Variants in ATG13 observed in about 807,000 individuals in gnomAD.
The protein encoded by ATG13 is autophagy related 13.
A neutral mutation model predicts 65.5 loss-of-function variants in ATG13; 23 were observed. That is an observed-to-expected ratio of 0.35 (90% CI 0.25 to 0.50). The LOEUF (loss-of-function observed/expected upper bound fraction) is 0.50. Ranked by LOEUF, ATG13 falls within the 20% of genes least tolerant of loss-of-function variation. ATG13 has a pLI of 0.98. For synonymous variants in ATG13, 252 were observed against 245.2 expected (o/e 1.03, Z -0.26); for missense variants, 566 against 677.0 (o/e 0.84, Z 1.82).
chr11:46,666,653 A>T (rs1401254792), intron 14 of ATG13, among the ~76,000 whole-genome samples: 1 of 152,178 alleles, frequency 6.6e-6, no homozygotes, highest in East Asian at 1.9e-4. Context: ...GATTGGCCTG[A>T]GCTCAGTTAG....
intron 2 of ATG13, among the ~76,000 whole-genome samples, chr11:46,642,548 A>G (rs538169117): frequency 1.3e-5 from 2 of 151,056 alleles, no homozygotes; most frequent in South Asian, 4.2e-4. Flanking sequence ...CAGGTGATCC[A>G]CCCTCCTCGG....
chr11:46,661,523 A>AG (rs982183810), intron 11 of ATG13, among the ~76,000 whole-genome samples: 12 of 151,454 alleles, frequency 7.9e-5, no homozygotes, highest in Non-Finnish European at 1.6e-4. Flanking sequence ...GTCTCAAAAA[A>AG]AAAAAAAAAA....
chr11:46,661,576 C>G (rs943744743), intron 11 of ATG13, among the ~76,000 whole-genome samples: 89 of 151,762 alleles, frequency 5.9e-4, no homozygotes, highest in African/African-American at 2.1e-3. Flanking sequence ...GCCTGTAGTC[C>G]CAGCCCTTAG....
intron 2 of ATG13, among the ~76,000 whole-genome samples, chr11:46,639,280 C>T (rs1374738762): frequency 2.0e-5 from 3 of 152,144 alleles, no homozygotes; most frequent in Admixed American, 2.0e-4. Context: ...GCCACCATGC[C>T]CAGCTTCCAC....
chr11:46,624,301 C>G (rs1291903544), intron 1 of ATG13, among the ~76,000 whole-genome samples: 1 of 152,172 alleles, frequency 6.6e-6, no homozygotes, highest in African/African-American at 2.4e-5. Context: ...CCACAACCAG[C>G]CAAATTCAGG....
At chr11:46,627,549 CGACCTTCGCCTCCTGG>C (rs2050130074) in intron 1 of ATG13, among the ~76,000 whole-genome samples, 1 of 152,096 alleles carries the variant, frequency 6.6e-6, no homozygotes, top group South Asian at 2.1e-4. Context: ...CAGCTCACTG[CGACCTTCGCCTCCTGG>C]GTTCAAGCGA....
intron 11 of ATG13, 48 bp from the exon 12 acceptor site, chr11:46,663,949 T>TC (rs1437544250): frequency 1.7e-5 from 18 of 1,032,560 alleles, no homozygotes; most frequent in African/African-American, 1.4e-4. Context: ...CCTTTTCTTT[T>TC]TTTTTTTTTT....
intron 2 of ATG13, among the ~76,000 whole-genome samples, chr11:46,635,438 T>G (rs1359598944): frequency 6.6e-6 from 1 of 152,204 alleles, no homozygotes; most frequent in Non-Finnish European, 1.5e-5. Flanking sequence ...GTCCAGGAGT[T>G]CAATACCAAC....
chr11:46,617,974 C>G (rs577965977), intron 1 of ATG13, 84 bp downstream of exon 1: 50 of 398,794 alleles, frequency 1.3e-4, no homozygotes, highest in Non-Finnish European at 2.1e-4. Flanking sequence ...TTGGCTGCTG[C>G]TTCGTGGAAG....
In ATG13 at chr11:46,655,568, C is replaced by T. The variant is rs183760383; in HGVS notation, c.459-665C>T. Reference sequence around the variant, plus strand: ...CAGCCTGGGTGACAGAGCAAGACTCCGTCTCAAACAAAACAAAACAAAACA... The same window carrying T: ...CAGCCTGGGTGACAGAGCAAGACTCTGTCTCAAACAAAACAAAACAAAACA... On this transcript the variant is annotated intron_variant, in intron 7 of 18. Transcript: ENST00000683050. 1.8e-3 allele frequency among the ~76,000 whole-genome samples: 268 copies of T among 152,260 alleles called. 1 individual carries two copies. The highest frequency in any genetic ancestry group is 2.9e-3 in the South Asian group (14 of 4,826).
At chr11:46,649,483 G>T (rs2058461387) in intron 6 of ATG13, among the ~76,000 whole-genome samples, 1 of 152,220 alleles carries the variant, frequency 6.6e-6, no homozygotes, top group Non-Finnish European at 1.5e-5. Context: ...TAAATCCCTT[G>T]CGAGCTCTTG....
rs1038961910 is a variant in ATG13, at chr11:46,625,887, GGT to G, written c.-69-4155_-69-4154del. On this transcript the variant is annotated intron_variant, in intron 1 of 18. Coordinates refer to ENST00000683050, the MANE Select transcript of ATG13 (RefSeq NM_001346311.2). ...GAGAAGGTTTGTGTGGATGGAGTGAGGTGTCAGAGATACCTTGAGGCTTCTTT... is the reference window on the plus strand; with the variant it reads ...GAGAAGGTTTGTGTGGATGGAGTGAGGTCAGAGATACCTTGAGGCTTCTTT... 2.6e-5 allele frequency among the ~76,000 whole-genome samples: 4 copies of G among 152,274 alleles called. No individual in the cohort carries two copies. In the South Asian group the frequency reaches 6.2e-4, roughly 24 times the overall value.
intron 2 of ATG13, among the ~76,000 whole-genome samples, chr11:46,640,773 C>T (rs896595201): frequency 2.0e-5 from 3 of 152,176 alleles, no homozygotes; most frequent in Non-Finnish European, 4.4e-5. Flanking sequence ...TGAGATACTA[C>T]CAGATACTAC....
At chr11:46,660,158 C>G (rs2060844878) in intron 11 of ATG13, 1 of 152,244 alleles carries the variant, frequency 6.6e-6, no homozygotes, top group South Asian at 2.1e-4. Context: ...ACATTTCTTG[C>G]CTTCCACCAC....
intron 1 of ATG13, among the ~76,000 whole-genome samples, chr11:46,626,029 C>T (rs1163505125): frequency 6.6e-6 from 1 of 152,138 alleles, no homozygotes; most frequent in Non-Finnish European, 1.5e-5. Context: ...GATCTTGGCT[C>T]ACTGCAAGCT....
At chr11:46,662,551 A>C (rs1240155759) in intron 11 of ATG13, among the ~76,000 whole-genome samples, 1 of 152,182 alleles carries the variant, frequency 6.6e-6, no homozygotes, top group Non-Finnish European at 1.5e-5. Flanking sequence ...AAACTAGATC[A>C]CACCAAATTC....
At chr11:46,620,547 A>C (rs955706744) in intron 1 of ATG13, among the ~76,000 whole-genome samples, 4 of 151,838 alleles carry the variant, frequency 2.6e-5, no homozygotes, top group Non-Finnish European at 5.9e-5. Flanking sequence ...AGGCTGAGGC[A>C]GGCGGATCAC....
intron 7 of ATG13, 92 bp from the exon 8 acceptor site, chr11:46,656,141 G>T (rs559802628): frequency 8.8e-7 from 1 of 1,131,900 alleles, no homozygotes; most frequent in South Asian, 1.3e-5. Context: ...AGTAAGGAAG[G>T]CTTTGTTTTA....
intron 2 of ATG13, among the ~76,000 whole-genome samples, chr11:46,640,567 G>A (rs61884272): frequency 0.021 from 3,143 of 152,292 alleles, 49 homozygotes; most frequent in Non-Finnish European, 0.032. Context: ...CTCGGAGGCC[G>A]AGGCAGGAGG....
Sources: gnomAD v4.1 joint callset for allele counts (sites outside exome capture counted in the v4.1 genomes callset) on GRCh38, gnomAD v4.1.1 for gene constraint, MANE v1.5 for transcripts, NCBI Gene and HGNC (gene_info 2026-07-23, HGNC 2026-07-21) for gene names.